Variants in ANO1 observed in about 807,000 individuals in gnomAD.
The protein encoded by ANO1 is anoctamin 1, also known as anoctamin-1.
A neutral mutation model predicts 124.0 loss-of-function variants in ANO1; 59 were observed. The observed-to-expected ratio is 0.48, with a 90% CI of 0.39 to 0.59. The LOEUF (loss-of-function observed/expected upper bound fraction) is 0.59, where lower values mean the gene tolerates loss of function less well. Among genes scored for constraint, ANO1 ranks in the 20% least tolerant of loss-of-function variants. The pLI is 0.00. For synonymous variants in ANO1, 529 were observed against 532.0 expected (o/e 0.99, Z 0.08); for missense variants, 1,059 against 1,328.0 (o/e 0.80, Z 3.15).
intron 18 of ANO1, 121 bp from the exon 19 acceptor site, chr11:70,163,162 G>A (rs2048121774): frequency 1.9e-6 from 2 of 1,026,878 alleles, no homozygotes; most frequent in Non-Finnish European, 2.8e-6. Context: ...AGAGCCGCCT[G>A]TAGATACCCT....
chr11:70,121,946 G>T (rs28971740), intron 8 of ANO1, among the ~76,000 whole-genome samples: 2 of 115,932 alleles, frequency 1.7e-5, no homozygotes, highest in Non-Finnish European at 3.5e-5. Context: ...CTCTGTCTCT[G>T]TCTCTCTCCA....
intron 16 of ANO1, among the ~76,000 whole-genome samples, chr11:70,160,530 G>A (rs767216722): frequency 3.9e-5 from 6 of 152,192 alleles, no homozygotes; most frequent in Non-Finnish European, 5.9e-5. Flanking sequence ...TCACTCTGGT[G>A]GGAGAGCTAG....
chr11:70,134,949 A>T (rs2046896930), intron 11 of ANO1, among the ~76,000 whole-genome samples: 1 of 152,216 alleles, frequency 6.6e-6, no homozygotes, highest in African/African-American at 2.4e-5. Flanking sequence ...AGAAGAACTT[A>T]GTGTGCTGGC....
intron 5 of ANO1, among the ~76,000 whole-genome samples, chr11:70,106,388 A>G (rs567350649): frequency 1.6e-4 from 24 of 152,340 alleles, no homozygotes; most frequent in African/African-American, 4.6e-4. Flanking sequence ...CTGGCAGCCA[A>G]ACTTTCGCTG....
intron 2 of ANO1, among the ~76,000 whole-genome samples, chr11:70,096,439 T>A (rs972206747): frequency 2.0e-5 from 3 of 152,216 alleles, no homozygotes; most frequent in African/African-American, 2.4e-5. Flanking sequence ...CTACCTGAGC[T>A]CTGCCTCCTG....
chr11:70,009,022 C>T (rs1856544167), intron 1 of ANO1, among the ~76,000 whole-genome samples: 1 of 152,224 alleles, frequency 6.6e-6, no homozygotes. Flanking sequence ...GCCTGTTCCA[C>T]ATGAGGTTAA....
At chr11:69,994,139 C>A (rs147958924) in intron 1 of ANO1, among the ~76,000 whole-genome samples, 1 of 149,892 alleles carries the variant, frequency 6.7e-6, no homozygotes, top group Non-Finnish European at 1.5e-5. Flanking sequence ...GGGACCTAAG[C>A]GGTGCATGGG....
At chr11:70,103,932 G>A (rs1422510825) in intron 3 of ANO1, 67 bp from the exon 4 acceptor site, 8 of 1,538,800 alleles carry the variant, frequency 5.2e-6, no homozygotes, top group African/African-American at 1.4e-5. Context: ...GACCATCCGA[G>A]AACAGATTCC....
the ANO1 span, among the ~76,000 whole-genome samples, chr11:69,979,885 T>C: frequency 7.0e-3 from 1,062 of 152,146 alleles, 7 homozygotes; most frequent in Non-Finnish European, 0.011. Flanking sequence ...TGCCAGGAGG[T>C]CCATCATGCC....
At chr11:70,142,528 C>T (rs1030057173) in intron 11 of ANO1, among the ~76,000 whole-genome samples, 19 of 152,166 alleles carry the variant, frequency 1.2e-4, no homozygotes, top group Admixed American at 4.6e-4. Flanking sequence ...GCCCTGCCCC[C>T]GCCCCGCCAC....
chr11:70,031,988 C>T (rs79147195), intron 1 of ANO1, among the ~76,000 whole-genome samples: 1,781 of 152,108 alleles, frequency 0.012, 44 homozygotes, highest in African/African-American at 0.04. Flanking sequence ...CTCACTGCTT[C>T]GTTGGACATA....
At chr11:70,027,302 A>C (rs1361678567) in intron 1 of ANO1, among the ~76,000 whole-genome samples, 1 of 152,212 alleles carries the variant, frequency 6.6e-6, no homozygotes, top group East Asian at 1.9e-4. Context: ...AAATGCTTAC[A>C]TTAGCCTACA....
chr11:69,980,111 C>T, the ANO1 span, among the ~76,000 whole-genome samples: 3 of 152,158 alleles, frequency 2.0e-5, no homozygotes, highest in Admixed American at 2.0e-4. Flanking sequence ...GAAATTTTGT[C>T]ACAGGCTACA....
chr11:70,174,912 AG>A (rs1490677602), intron 22 of ANO1, among the ~76,000 whole-genome samples: 2 of 132,900 alleles, frequency 1.5e-5, no homozygotes, highest in Non-Finnish European at 3.2e-5. Context: ...AGCTAAAAAA[AG>A]AAAAGAAAAA....
intron 21 of ANO1, 80 bp downstream of exon 21, chr11:70,167,467 G>A: frequency 6.6e-7 from 1 of 1,512,528 alleles, no homozygotes; most frequent in Non-Finnish European, 8.9e-7. Flanking sequence ...AAGGGCTGCA[G>A]GGGCATGATG....
chr11:70,126,662 G>GGCTTCGGTGCAGGCTGGT (rs1375053562), intron 10 of ANO1, among the ~76,000 whole-genome samples: 2 of 151,258 alleles, frequency 1.3e-5, no homozygotes, highest in African/African-American at 4.9e-5. Flanking sequence ...ATGAATGCTA[G>GGCTTCGGTGCAGGCTGGT]GCTTCGGTGC....
chr11:69,995,246 C>T (rs551228713), intron 1 of ANO1, among the ~76,000 whole-genome samples: 6 of 151,932 alleles, frequency 3.9e-5, no homozygotes, highest in East Asian at 1.9e-4. Flanking sequence ...ACTACAGGCG[C>T]GTGCCACCAC....
chr11:70,179,234 A>C (rs1345703936), intron 22 of ANO1, among the ~76,000 whole-genome samples: 1 of 152,226 alleles, frequency 6.6e-6, no homozygotes, highest in Non-Finnish European at 1.5e-5. Context: ...TTGGGCTCCC[A>C]GCCGAACCGC....
At position 70,110,184 on chromosome 11, in the gene ANO1, CT is replaced by C. The variant is rs923690897; in HGVS notation, c.800-1502del. 5.8e-3 allele frequency among the ~76,000 whole-genome samples: 679 copies of C among 118,054 alleles called. 4 individuals are homozygous for C. The highest frequency in any genetic ancestry group is 0.031 in the East Asian group (118 of 3,832). The allele number at this position is 118,054 out of a possible 152,430, so 77.4% of individuals were successfully genotyped here. The stretch of plus-strand genomic sequence containing the variant: ...CTGGCTGAGGGCCTATGTTCACTTT[CT>C]TTTTTTTTTTTTTTTTTTTTAGACA... On this transcript the variant is annotated intron_variant, in intron 6 of 25. Transcript: ENST00000355303.
Sources: allele counts gnomAD v4.1 joint callset (sites outside exome capture counted in the v4.1 genomes callset), GRCh38; gene constraint gnomAD v4.1.1; transcripts MANE v1.5; gene names NCBI Gene and HGNC (gene_info 2026-07-23, HGNC 2026-07-21).